Variants in KANSL1 observed in about 807,000 individuals in gnomAD.
The protein encoded by KANSL1 is KAT8 regulatory NSL complex subunit 1.
Under a neutral mutation model 103.6 loss-of-function variants are expected in KANSL1, and 22 were observed. The observed-to-expected ratio is 0.21, with a 90% CI of 0.15 to 0.30. The LOEUF is 0.30. KANSL1 is among the 10% of genes least tolerant of loss of function. The pLI is 1.00. For synonymous variants in KANSL1, 600 were observed against 527.6 expected, an observed-to-expected ratio of 1.14 and a Z score of -1.88; for missense variants, 1,337 against 1,399.8, an observed-to-expected ratio of 0.96 and a Z score of 0.72.
At chr17:46,128,553 G>C (rs1011486627) in intron 2 of KANSL1, among the ~76,000 whole-genome samples, 4 of 152,208 alleles carry the variant, frequency 2.6e-5, no homozygotes, top group African/African-American at 9.7e-5. Flanking sequence ...AGTTGTCCTT[G>C]TACAGTTGAC....
chr17:46,188,159 A>G (rs1273157084), intron 1 of KANSL1, among the ~76,000 whole-genome samples: 2 of 152,236 alleles, frequency 1.3e-5, no homozygotes, highest in African/African-American at 4.8e-5. Context: ...TCAATCTGCA[A>G]GTGACACCCA....
rs371450753 is a variant in KANSL1, at chr17:46,171,828, T to C, written c.316A>G (p.Thr106Ala). 48 of 1,614,088 alleles carry C rather than the reference T, an allele frequency of 3.0e-5. No homozygotes were observed. The highest frequency in any genetic ancestry group is 3.9e-5 in the Non-Finnish European group (46 of 1,180,030). ...AAGAGAGGATGAGATTTAAGGACTG[T>C]CTGCTTGCTGAAGACCCCTTGCAAC... is the stretch of plus-strand genomic sequence containing the variant. Reference protein sequence around the residue: ...LKLQGVFSKQTVLKSHPLLSQ... With the variant: ...LKLQGVFSKQAVLKSHPLLSQ... Residue 106 changes from threonine to alanine, a missense_variant, in exon 2 of 15, where the codon ACA becomes GCA. By Grantham distance (58) the Thr-to-Ala change is moderately conservative. This residue lies in a region of KANSL1 where 557 missense variants were observed against 476.4 expected (regional missense o/e 1.17). Coordinates refer to ENST00000432791, the MANE Select transcript of KANSL1 (RefSeq NM_015443.4).
intron 2 of KANSL1, among the ~76,000 whole-genome samples, chr17:46,160,363 T>C (rs1282566720): frequency 6.6e-6 from 1 of 152,134 alleles, no homozygotes; most frequent in South Asian, 2.1e-4. Context: ...GGTGGTGCAA[T>C]CTCGACTCAC....
intron 2 of KANSL1, among the ~76,000 whole-genome samples, chr17:46,096,120 A>G (rs2042050397): frequency 6.6e-6 from 1 of 151,046 alleles, no homozygotes; most frequent in South Asian, 2.1e-4. Flanking sequence ...TGCATACCCA[A>G]CCATCATGAT....
chr17:46,050,604 T>C lies in KANSL1; in HGVS notation c.1949A>G (p.Tyr650Cys), dbSNP rs777228945. 14 of 1,614,180 alleles carry C rather than the reference T, an allele frequency of 8.7e-6. No homozygotes were observed. The highest frequency in any genetic ancestry group is 1.1e-5 in the Non-Finnish European group (13 of 1,180,028). ...SINTMPPEIHYEAPLLERLSQ... is the reference protein window; with the variant it reads ...SINTMPPEIHCEAPLLERLSQ... ...AAGACGTTCCAACAGAGGGGCTTCA[T>C]AGTGAATTTCGGGAGGCATGGTGTT... The change falls in exon 7 of 15, where the codon TAT (tyrosine) becomes TGT (cysteine). Residue 650 changes from tyrosine to cysteine, a missense_variant. Coordinates refer to ENST00000432791, the MANE Select transcript of KANSL1 (RefSeq NM_015443.4).
intron 1 of KANSL1, among the ~76,000 whole-genome samples, chr17:46,218,034 A>T (rs2048395964): frequency 6.6e-6 from 1 of 152,200 alleles, no homozygotes; most frequent in Non-Finnish European, 1.5e-5. Flanking sequence ...TAAAAAAACA[A>T]AAGAAATACA....
chr17:46,142,976 G>A (rs2044501916), intron 2 of KANSL1, among the ~76,000 whole-genome samples: 1 of 152,204 alleles, frequency 6.6e-6, no homozygotes, highest in Non-Finnish European at 1.5e-5. Flanking sequence ...CAAGTATATA[G>A]TAAAGGAATT....
intron 2 of KANSL1, among the ~76,000 whole-genome samples, chr17:46,163,326 C>G (rs953658068): frequency 6.6e-6 from 1 of 152,214 alleles, no homozygotes. Flanking sequence ...AACTCCTCCC[C>G]CATTTATAGA....
intron 2 of KANSL1, among the ~76,000 whole-genome samples, chr17:46,120,279 A>G (rs2043222685): frequency 6.6e-6 from 1 of 152,250 alleles, no homozygotes; most frequent in Non-Finnish European, 1.5e-5. Context: ...GTTTCACTCT[A>G]GGATCAGGTT....
chr17:46,180,873 A>G (rs2046757463), intron 1 of KANSL1, among the ~76,000 whole-genome samples: 1 of 152,188 alleles, frequency 6.6e-6, no homozygotes. Context: ...ATACACACAC[A>G]TATATATGTA....
At chr17:46,035,912 G>A (rs537939319) in intron 10 of KANSL1, 1 of 152,028 alleles carries the variant, frequency 6.6e-6, no homozygotes, top group African/African-American at 2.4e-5. Flanking sequence ...CTACTCATTA[G>A]GTCTAAATTA....
At chr17:46,104,636 A>T (rs2042454489) in intron 2 of KANSL1, among the ~76,000 whole-genome samples, 1 of 152,222 alleles carries the variant, frequency 6.6e-6, no homozygotes, top group Non-Finnish European at 1.5e-5. Context: ...CTGATGCCTT[A>T]TCCTGTTTAA....
intron 14 of KANSL1, 147 bp downstream of exon 14, chr17:46,031,900 C>T (rs905653571): frequency 8.3e-7 from 1 of 1,206,302 alleles, no homozygotes; most frequent in Non-Finnish European, 1.2e-6. Flanking sequence ...TACAGTTCCA[C>T]TGAACGTTGA....
At position 46,171,772 on chromosome 17, in the gene KANSL1, C is replaced by T. The variant is rs778607325; in HGVS notation, c.372G>A (p.Leu124=). ...LSQSYELRAE[L]LGRQPVLEFS... is the part of the protein sequence containing the mutation. The stretch of plus-strand genomic sequence containing the variant: ...ACTCCAAAACTGGCTGTCTCCCCAA[C>T]AGCTCAGCTCGGAGTTCATAGGACT... The change falls in exon 2 of 15, where the codon CTG becomes CTA. Residue 124 remains leucine, a synonymous_variant. Transcript: ENST00000432791. 27 of 1,605,798 alleles carry T rather than the reference C, an allele frequency of 1.7e-5. No individual in the cohort carries two copies. The highest frequency in any genetic ancestry group is 2.2e-5 in the Non-Finnish European group (26 of 1,176,418).
At chr17:46,061,274 T>C (rs889210524) in intron 6 of KANSL1, among the ~76,000 whole-genome samples, 1 of 152,202 alleles carries the variant, frequency 6.6e-6, no homozygotes, top group Non-Finnish European at 1.5e-5. Context: ...TATGGTTTAA[T>C]TATAAACATA....
At chr17:46,039,658 A>G in intron 8 of KANSL1, 44 bp downstream of exon 8, 1 of 1,571,576 alleles carries the variant, frequency 6.4e-7, no homozygotes, top group Non-Finnish European at 8.6e-7. Context: ...AGGAATGAAA[A>G]GTCACTGATA....
chr17:46,139,695 G>A (rs572666340), intron 2 of KANSL1, among the ~76,000 whole-genome samples: 12 of 152,266 alleles, frequency 7.9e-5, no homozygotes, highest in South Asian at 2.1e-4. Flanking sequence ...GGATTATTAC[G>A]TACATAAAAG....
chr17:46,218,573 A>G (rs1277314452), intron 1 of KANSL1, among the ~76,000 whole-genome samples: 1 of 152,160 alleles, frequency 6.6e-6, no homozygotes, highest in Non-Finnish European at 1.5e-5. Context: ...ACTTGAGGCC[A>G]GGAGTTTGAG....
At chr17:46,047,541 C>T (rs2077554346) in intron 7 of KANSL1, among the ~76,000 whole-genome samples, 1 of 152,108 alleles carries the variant, frequency 6.6e-6, no homozygotes, top group Non-Finnish European at 1.5e-5. Context: ...AATCCCAGCA[C>T]TTTGAGAGGC....
Sources: allele counts gnomAD v4.1 joint callset (sites outside exome capture counted in the v4.1 genomes callset), GRCh38; gene constraint gnomAD v4.1.1; regional missense constraint gnomAD v4.1.1; transcripts MANE v1.5; gene names NCBI Gene and HGNC (gene_info 2026-07-23, HGNC 2026-07-21).